STAG1: variants seen among roughly 807,000 people sequenced by gnomAD.
The protein encoded by STAG1 is cohesin subunit SA-1.
In STAG1, 26 loss-of-function variants were observed where a neutral mutation model predicts 170.9. The observed-to-expected ratio is 0.15, with a 90% CI of 0.11 to 0.21. STAG1 has a LOEUF of 0.21. Among genes scored for constraint, STAG1 ranks in the 10% least tolerant of loss-of-function variants. STAG1 has a pLI of 1.00. For missense variants in STAG1, 964 were observed against 1,509.5 expected, an observed-to-expected ratio of 0.64 and a Z score of 5.99; for synonymous variants, 514 against 497.7, an observed-to-expected ratio of 1.03 and a Z score of -0.44.
chr3:136,522,876 T>C (rs1934757475), intron 6 of STAG1, among the ~76,000 whole-genome samples: 1 of 152,096 alleles, frequency 6.6e-6, no homozygotes, highest in Admixed American at 6.5e-5. Context: ...GCTTCATCCA[T>C]GTCCCTACAA....
At chr3:136,517,385 T>C (rs1934433434) in intron 7 of STAG1, among the ~76,000 whole-genome samples, 1 of 152,184 alleles carries the variant, frequency 6.6e-6, no homozygotes, top group Admixed American at 6.5e-5. Context: ...CAGAAAATTA[T>C]GTAGGTGAGA....
intron 5 of STAG1, among the ~76,000 whole-genome samples, chr3:136,542,919 T>A (rs1935978145): frequency 6.6e-6 from 1 of 152,150 alleles, no homozygotes; most frequent in Admixed American, 6.5e-5. Flanking sequence ...GACCCATGGT[T>A]TACATGCAGG....
At chr3:136,496,225 T>C (rs1312682397) in intron 9 of STAG1, among the ~76,000 whole-genome samples, 2 of 152,084 alleles carry the variant, frequency 1.3e-5, no homozygotes, top group African/African-American at 4.8e-5. Flanking sequence ...ATTGTTAGAA[T>C]AAACAGACCG....
chr3:136,636,323 G>A (rs1940557211), intron 1 of STAG1, among the ~76,000 whole-genome samples: 3 of 151,876 alleles, frequency 2.0e-5, no homozygotes. Flanking sequence ...TGGTGGTAGT[G>A]GGGTGCCACA....
chr3:136,347,395 CAAAAA>C (rs34533734), intron 29 of STAG1, among the ~76,000 whole-genome samples: 8,740 of 78,928 alleles, frequency 0.11, 251 homozygotes, highest in Non-Finnish European at 0.12. Context: ...GATCCTGTCT[CAAAAA>C]AAAAAAAAAA....
intron 6 of STAG1, among the ~76,000 whole-genome samples, chr3:136,529,289 T>G (rs951397848): frequency 6.6e-6 from 1 of 152,188 alleles, no homozygotes; most frequent in Non-Finnish European, 1.5e-5. Flanking sequence ...TACAGACATT[T>G]AGATACAAGA....
intron 16 of STAG1, chr3:136,430,297 C>T (rs10935183): frequency 0.35 from 53,863 of 151,920 alleles, 11,457 homozygotes; most frequent in East Asian, 0.8. Flanking sequence ...CAGATGAGGA[C>T]CACTATAATT....
chr3:136,531,768 G>A (rs1935381665), intron 6 of STAG1, among the ~76,000 whole-genome samples: 1 of 148,942 alleles, frequency 6.7e-6, no homozygotes, highest in South Asian at 2.2e-4. Context: ...TGTGGGGTGC[G>A]GGGAGGGGGG....
At chr3:136,442,951 G>T (rs1258155870) in intron 15 of STAG1, among the ~76,000 whole-genome samples, 1 of 152,188 alleles carries the variant, frequency 6.6e-6, no homozygotes, top group African/African-American at 2.4e-5. Context: ...CAAGGCTGCA[G>T]TGAGTTATGA....
intron 1 of STAG1, among the ~76,000 whole-genome samples, chr3:136,642,423 C>T (rs1222539663): frequency 6.6e-6 from 1 of 151,680 alleles, no homozygotes; most frequent in East Asian, 1.9e-4. Flanking sequence ...AGACATGTAC[C>T]ACCACTCCCA....
chr3:136,351,069 A>G (rs974385948), intron 28 of STAG1, among the ~76,000 whole-genome samples: 1 of 152,224 alleles, frequency 6.6e-6, no homozygotes, highest in Non-Finnish European at 1.5e-5. Context: ...ATTATTTTTT[A>G]AAAGGAAGGA....
intron 1 of STAG1, among the ~76,000 whole-genome samples, chr3:136,740,723 G>A (rs567159088): frequency 3.3e-5 from 5 of 152,076 alleles, no homozygotes; most frequent in East Asian, 1.9e-4. Context: ...TCAAGTGATC[G>A]CCCGCCCCAG....
chr3:136,536,254 A>G (rs988588216), intron 6 of STAG1, among the ~76,000 whole-genome samples: 1 of 152,202 alleles, frequency 6.6e-6, no homozygotes, highest in Non-Finnish European at 1.5e-5. Context: ...CAGGCCCATT[A>G]AAAAACTACT....
At chr3:136,342,802 A>T (rs1311477320) in intron 30 of STAG1, among the ~76,000 whole-genome samples, 1 of 152,222 alleles carries the variant, frequency 6.6e-6, no homozygotes, top group Admixed American at 6.5e-5. Flanking sequence ...GGCCACAGGG[A>T]ATGACAAATG....
intron 7 of STAG1, among the ~76,000 whole-genome samples, chr3:136,503,738 T>C (rs764566797): frequency 6.6e-6 from 1 of 152,142 alleles, no homozygotes; most frequent in Non-Finnish European, 1.5e-5. Context: ...ATTTCATTAT[T>C]TTTATTTTTT....
chr3:136,588,658 C>A (rs1437733649), intron 4 of STAG1, among the ~76,000 whole-genome samples: 2 of 151,230 alleles, frequency 1.3e-5, no homozygotes, highest in African/African-American at 4.9e-5. Context: ...TTTTTTGTCT[C>A]CCTCTGTTGC....
chr3:136,603,974 T>A (rs1428133857), intron 4 of STAG1, among the ~76,000 whole-genome samples: 3 of 152,198 alleles, frequency 2.0e-5, no homozygotes, highest in African/African-American at 7.2e-5. Flanking sequence ...TCTTTTTTTA[T>A]ATCCCTTCTT....
At chr3:136,463,737 G>GTGTGTGTC (rs2089343598) in intron 13 of STAG1, among the ~76,000 whole-genome samples, 1 of 55,834 alleles carries the variant, frequency 1.8e-5, no homozygotes, top group Non-Finnish European at 3.5e-5. Context: ...ATGTGTATAT[G>GTGTGTGTC]TGTGTGTGTG....
At chr3:136,396,277 G>A (rs1261478980) in intron 22 of STAG1, among the ~76,000 whole-genome samples, 2 of 135,406 alleles carry the variant, frequency 1.5e-5, no homozygotes, top group Non-Finnish European at 3.0e-5. Context: ...GTGCAGCCAC[G>A]CGATCTCTCC....
Sources: gnomAD v4.1 joint callset for allele counts (sites outside exome capture counted in the v4.1 genomes callset) on GRCh38, gnomAD v4.1.1 for gene constraint, MANE v1.5 for transcripts, NCBI Gene and HGNC (gene_info 2026-07-23, HGNC 2026-07-21) for gene names.